The following HSF2BP variants were observed in gnomAD, a reference collection of about 807,000 sequenced individuals.
HSF2BP encodes heat shock factor 2-binding protein.
A neutral mutation model predicts 35.0 loss-of-function variants in HSF2BP; 35 were observed. The ratio of observed to expected loss-of-function variants is 1.00; its 90% CI spans 0.76 to 1.32. HSF2BP has a LOEUF of 1.32. Ranked by LOEUF, HSF2BP falls within the 40% of genes most tolerant of loss-of-function variation. The pLI, the probability that HSF2BP is intolerant of heterozygous loss-of-function variation, is 0.00. For missense variants in HSF2BP, 326 were observed against 321.7 expected (o/e 1.01, Z -0.10); for synonymous variants, 114 against 117.4 (o/e 0.97, Z 0.18).
In HSF2BP at chr21:43,626,175, CG is replaced by C. The variant is rs533566207; in HGVS notation, c.574+4146del. Among the ~76,000 whole-genome samples the C allele has an allele frequency of 2.4e-3, 361 of 152,184 alleles. 1 individual carries two copies. Among genetic ancestry groups the C allele is most frequent in the Middle Eastern group, 6.8e-3 (2 of 294 alleles). The stretch of plus-strand genomic sequence containing the variant: ...AACATCACAGTCTCAGCATCCACCC[CG>C]CAAGAACTATCATCAAGTTTTAAAG... On this transcript the variant is annotated intron_variant, in intron 6 of 8. Transcript: ENST00000291560.
At chr21:43,574,002 A>T (rs1337057222) in intron 8 of HSF2BP, among the ~76,000 whole-genome samples, 1 of 152,182 alleles carries the variant, frequency 6.6e-6, no homozygotes, top group Non-Finnish European at 1.5e-5. Flanking sequence ...AGGCCAAGCC[A>T]TCGACGGGCT....
intron 7 of HSF2BP, among the ~76,000 whole-genome samples, chr21:43,603,109 G>C (rs1162526425): frequency 6.6e-6 from 1 of 152,144 alleles, no homozygotes; most frequent in Non-Finnish European, 1.5e-5. Context: ...AAATCCACAA[G>C]TCTAATAAAA....
rs116397017 is a variant in HSF2BP at position 43,597,173 on chromosome 21, G to A, written c.693-4845C>T. Reference sequence around the variant, plus strand: ...GTGAGGCAGAGAAAGAGGGAGAGCTGCAAGGCAGAGGAATGAGGCACAGCT... The same window carrying A: ...GTGAGGCAGAGAAAGAGGGAGAGCTACAAGGCAGAGGAATGAGGCACAGCT... On this transcript the variant is annotated intron_variant, in intron 7 of 8. Coordinates refer to ENST00000291560, the MANE Select transcript of HSF2BP (RefSeq NM_007031.2). This position sits in a 1 kb window ranked among gnomAD's most constrained non-coding sequence, Gnocchi z 4.3. Among the ~76,000 whole-genome samples the A allele has an allele frequency of 5.1e-3, 770 of 152,336 alleles. 8 individuals are homozygous for A. The highest frequency in any genetic ancestry group is 0.017 in the African/African-American group (724 of 41,570).
At chr21:43,646,775 C>T (rs2082714271) in intron 3 of HSF2BP, among the ~76,000 whole-genome samples, 1 of 152,236 alleles carries the variant, frequency 6.6e-6, no homozygotes, top group Admixed American at 6.5e-5. Context: ...AGGGAGGCCA[C>T]ACCCATCTAC....
intron 7 of HSF2BP, among the ~76,000 whole-genome samples, chr21:43,595,383 G>A (rs936270601): frequency 5.9e-5 from 9 of 152,190 alleles, no homozygotes; most frequent in Non-Finnish European, 1.2e-4. Context: ...AACAGACTGA[G>A]TGCAGTGGCT....
intron 7 of HSF2BP, among the ~76,000 whole-genome samples, chr21:43,604,786 A>G (rs929525591): frequency 7.2e-6 from 1 of 139,264 alleles, no homozygotes; most frequent in Admixed American, 7.2e-5. Context: ...CACACCACAC[A>G]CATGCCACAC....
chr21:43,630,495 C>T (rs779174127), intron 5 of HSF2BP, 41 bp from the exon 6 acceptor site: 7 of 1,578,674 alleles, frequency 4.4e-6, no homozygotes, highest in Non-Finnish European at 6.0e-6. Context: ...TTTTTACAGA[C>T]ACTAGTGTGA....
intron 8 of HSF2BP, among the ~76,000 whole-genome samples, chr21:43,577,113 T>C (rs1304175033): frequency 6.6e-6 from 1 of 152,156 alleles, no homozygotes; most frequent in Non-Finnish European, 1.5e-5. Flanking sequence ...CACCACCCCA[T>C]CCCTCGACCT....
At chr21:43,639,260 TAAC>T (rs2082604997) in intron 4 of HSF2BP, among the ~76,000 whole-genome samples, 1 of 152,204 alleles carries the variant, frequency 6.6e-6, no homozygotes, top group Admixed American at 6.5e-5. Context: ...TTCTTAGACA[TAAC>T]AACAAGAAAA....
chr21:43,658,007 A>G (rs1024961793), intron 2 of HSF2BP, 54 bp downstream of exon 2: 4 of 1,534,388 alleles, frequency 2.6e-6, no homozygotes, highest in Non-Finnish European at 3.5e-6. Context: ...CCCTGAGGGG[A>G]GCGAATGGCG....
chr21:43,654,883 C>T (rs1252500146), intron 3 of HSF2BP, among the ~76,000 whole-genome samples: 1 of 152,128 alleles, frequency 6.6e-6, no homozygotes, highest in Non-Finnish European at 1.5e-5. Context: ...TATTGGAAGG[C>T]TGCAAAGCAG....
chr21:43,606,676 C>T (rs73367824), intron 7 of HSF2BP, among the ~76,000 whole-genome samples: 1,670 of 152,252 alleles, frequency 0.011, 36 homozygotes, highest in African/African-American at 0.037. Context: ...TGAATCACCC[C>T]TAAACATGTT....
chr21:43,610,061 C>G (rs2082184619), intron 7 of HSF2BP: 1 of 152,340 alleles, frequency 6.6e-6, no homozygotes, highest in Non-Finnish European at 1.5e-5. Flanking sequence ...GGACCTTGTA[C>G]AGACCACAGA....
intron 3 of HSF2BP, among the ~76,000 whole-genome samples, chr21:43,653,200 G>A (rs1011939921): frequency 1.7e-4 from 3 of 17,468 alleles, no homozygotes; most frequent in African/African-American, 1.0e-3. Context: ...GGAAGGGAAG[G>A]GGAAGGGAAG....
intron 6 of HSF2BP, among the ~76,000 whole-genome samples, chr21:43,616,826 G>C (rs2082276884): frequency 6.6e-6 from 1 of 151,954 alleles, no homozygotes; most frequent in Non-Finnish European, 1.5e-5. Context: ...AGCTACTCCA[G>C]ATGCTGAGGC....
chr21:43,603,275 G>A (rs142755844), intron 7 of HSF2BP, among the ~76,000 whole-genome samples: 21 of 152,228 alleles, frequency 1.4e-4, no homozygotes, highest in Middle Eastern at 3.4e-3. Flanking sequence ...AGGGCCCCCC[G>A]CAATCCCAAG....
chr21:43,591,787 G>A (rs1011592400), intron 8 of HSF2BP, among the ~76,000 whole-genome samples: 1 of 152,176 alleles, frequency 6.6e-6, no homozygotes, highest in Non-Finnish European at 1.5e-5. Context: ...TGCGTAGCAT[G>A]ATGAAATCTC....
intron 7 of HSF2BP, among the ~76,000 whole-genome samples, chr21:43,601,589 G>A (rs2082052804): frequency 6.6e-6 from 1 of 152,132 alleles, no homozygotes; most frequent in Admixed American, 6.5e-5. Context: ...ACCCAAAAAT[G>A]CCTTTCAGAA....
chr21:43,625,418 T>C (rs1391330108), intron 6 of HSF2BP, among the ~76,000 whole-genome samples: 7 of 152,098 alleles, frequency 4.6e-5, no homozygotes, highest in Non-Finnish European at 1.0e-4. Flanking sequence ...TGCCTTGGGC[T>C]GGTGATGAGT....
Sources: gnomAD v4.1 joint callset for allele counts (sites outside exome capture counted in the v4.1 genomes callset) on GRCh38, gnomAD v4.1.1 for gene constraint, Gnocchi (gnomAD v3.1) non-coding constraint, MANE v1.5 for transcripts, NCBI Gene and HGNC (gene_info 2026-07-23, HGNC 2026-07-21) for gene names.